The following KIAA1217 variants were observed in gnomAD, a reference collection of about 807,000 sequenced individuals.
KIAA1217 encodes sickle tail protein homolog.
In KIAA1217, 88 loss-of-function variants were observed where a neutral mutation model predicts 163.9. That is an observed-to-expected ratio of 0.54 (90% CI 0.45 to 0.64). The LOEUF is 0.64. KIAA1217 is among the 30% of genes least tolerant of loss of function. KIAA1217 has a pLI of 0.00. For missense variants in KIAA1217, 2,372 were observed against 2,475.0 expected (o/e 0.96, Z 0.88); for synonymous variants, 903 against 923.1 (o/e 0.98, Z 0.39).
chr10:24,064,005 T>G (rs896666684), intron 2 of KIAA1217, among the ~76,000 whole-genome samples: 30 of 152,328 alleles, frequency 2.0e-4, no homozygotes, highest in African/African-American at 7.2e-4. Context: ...TCCTGAGACT[T>G]TTCTGAAGTT....
intron 1 of KIAA1217, among the ~76,000 whole-genome samples, chr10:23,932,782 A>G (rs1438204402): frequency 6.6e-6 from 1 of 152,218 alleles, no homozygotes; most frequent in African/African-American, 2.4e-5. Flanking sequence ...GTTGGCAGAT[A>G]TAAAAGACCT....
chr10:23,938,821 A>G (rs1764747811), intron 1 of KIAA1217, among the ~76,000 whole-genome samples: 1 of 152,222 alleles, frequency 6.6e-6, no homozygotes, highest in Admixed American at 6.5e-5. Flanking sequence ...GCATACGTAT[A>G]TGCCATATTC....
chr10:24,510,131 A>G (rs1297994510), intron 9 of KIAA1217, among the ~76,000 whole-genome samples: 1 of 152,152 alleles, frequency 6.6e-6, no homozygotes, highest in Admixed American at 6.5e-5. Context: ...TTGATAGAAG[A>G]ACAACTTGGG....
chr10:23,925,694 T>C (rs1165816296), intron 1 of KIAA1217, among the ~76,000 whole-genome samples: 2 of 152,158 alleles, frequency 1.3e-5, no homozygotes, highest in Admixed American at 6.5e-5. Context: ...TCTGTGATCA[T>C]GGAGGGAAGA....
chr10:23,754,023 T>C (rs1195445506), intron 1 of KIAA1217, among the ~76,000 whole-genome samples: 1 of 152,172 alleles, frequency 6.6e-6, no homozygotes, highest in Non-Finnish European at 1.5e-5. Flanking sequence ...CTGTTCTCAC[T>C]GGAGTTAACC....
chr10:24,008,599 T>G (rs902446423), intron 2 of KIAA1217, among the ~76,000 whole-genome samples: 1 of 152,154 alleles, frequency 6.6e-6, no homozygotes, highest in African/African-American at 2.4e-5. Flanking sequence ...GTTTAGTCTG[T>G]GCCAGAAGCC....
chr10:24,260,275 AT>A (rs1371477319), intron 2 of KIAA1217, among the ~76,000 whole-genome samples: 1 of 152,140 alleles, frequency 6.6e-6, no homozygotes, highest in East Asian at 1.9e-4. Context: ...TTCAGGAAGC[AT>A]GTTTTAATGT....
chr10:23,719,930 A>G (rs1837777877), intron 1 of KIAA1217, among the ~76,000 whole-genome samples: 1 of 152,042 alleles, frequency 6.6e-6, no homozygotes, highest in African/African-American at 2.4e-5. Context: ...CAAAAAGGCT[A>G]TATAGTGTAT....
intron 1 of KIAA1217, among the ~76,000 whole-genome samples, chr10:23,896,995 A>G (rs1049210332): frequency 2.6e-5 from 4 of 152,058 alleles, no homozygotes; most frequent in African/African-American, 9.7e-5. Flanking sequence ...GGTAAATCCA[A>G]TACTATAAAG....
At chr10:24,246,655 C>A (rs890085000) in intron 2 of KIAA1217, among the ~76,000 whole-genome samples, 4 of 152,144 alleles carry the variant, frequency 2.6e-5, no homozygotes, top group Non-Finnish European at 2.9e-5. Context: ...ATTTTATTTT[C>A]TAACAATTAC....
Position 23,836,920 on chromosome 10 carries a change from GGGAA to G in KIAA1217, c.-321+141697_-321+141700del, listed in dbSNP as rs550843036. On this transcript the variant is annotated intron_variant, in intron 1 of 18. Transcript: ENST00000376462. ...CCTGGGTGACAGAGTGAGACCCTGT[GGGAA>G]GGAAGGAAGGGAGGGAGGGAGGGAG... Among the ~76,000 whole-genome samples the G allele has an allele frequency of 6.2e-4, 85 of 137,444 alleles. 2 individuals are homozygous for G. In the South Asian group the frequency reaches 0.02, roughly 32 times the overall value. 90.2% of individuals were successfully genotyped at this position (137,444 alleles called of 152,430 possible).
At chr10:23,704,180 A>ATATATATATATATATATT (rs1836716716) in intron 1 of KIAA1217, among the ~76,000 whole-genome samples, 1 of 82,364 alleles carries the variant, frequency 1.2e-5, no homozygotes, top group Non-Finnish European at 2.3e-5. Flanking sequence ...GTGTATATAT[A>ATATATATATATATATATT]TATATATATA....
chr10:24,342,820 G>A (rs1026106196), intron 2 of KIAA1217, among the ~76,000 whole-genome samples: 3 of 151,732 alleles, frequency 2.0e-5, no homozygotes, highest in East Asian at 1.9e-4. Context: ...CACCACATCC[G>A]GCTGATTTTT....
At chr10:24,533,273 C>G in intron 16 of KIAA1217, 36 bp downstream of exon 16, 1 of 1,571,882 alleles carries the variant, frequency 6.4e-7, no homozygotes, top group Non-Finnish European at 8.6e-7. Context: ...GGCTCCTTGC[C>G]TCCCGCCTGG....
chr10:23,783,634 G>A (rs1588795627), intron 1 of KIAA1217, among the ~76,000 whole-genome samples: 1 of 152,198 alleles, frequency 6.6e-6, no homozygotes, highest in East Asian at 1.9e-4. Flanking sequence ...AGATGGATTG[G>A]TATTAATTTT....
At chr10:24,273,505 G>A (rs2076962357) in intron 2 of KIAA1217, among the ~76,000 whole-genome samples, 1 of 151,990 alleles carries the variant, frequency 6.6e-6, no homozygotes, top group Non-Finnish European at 1.5e-5. Flanking sequence ...CACATAAGAG[G>A]CCCTTGGCTT....
intron 5 of KIAA1217, among the ~76,000 whole-genome samples, chr10:24,441,405 A>G (rs2060487670): frequency 6.6e-6 from 1 of 152,180 alleles, no homozygotes; most frequent in South Asian, 2.1e-4. Flanking sequence ...TAACCAATGA[A>G]TGTAATATCT....
At chr10:24,046,737 C>G (rs7070917) in intron 2 of KIAA1217, among the ~76,000 whole-genome samples, 90,548 of 152,036 alleles carry the variant, frequency 0.6, 28,595 homozygotes, top group African/African-American at 0.76. Flanking sequence ...ATTTGGATGG[C>G]AACATAGAGC....
chr10:24,517,960 A>G (rs1471201305), intron 10 of KIAA1217, among the ~76,000 whole-genome samples: 3 of 152,210 alleles, frequency 2.0e-5, no homozygotes, highest in African/African-American at 7.2e-5. Context: ...AGGCCACTGC[A>G]CTCCAGCCTG....
Sources: allele counts gnomAD v4.1 joint callset (sites outside exome capture counted in the v4.1 genomes callset), GRCh38; gene constraint gnomAD v4.1.1; transcripts MANE v1.5; gene names NCBI Gene and HGNC (gene_info 2026-07-23, HGNC 2026-07-21).